Variants in CREBL2 observed in about 807,000 individuals in gnomAD.
The protein encoded by CREBL2 is cAMP responsive element binding protein like 2.
In CREBL2, 4 loss-of-function variants were observed where a neutral mutation model predicts 19.5. That is an observed-to-expected ratio of 0.20 (90% CI 0.10 to 0.47). The LOEUF (loss-of-function observed/expected upper bound fraction) is 0.47. CREBL2 is among the 20% of genes least tolerant of loss of function. The pLI is 0.98. For synonymous variants in CREBL2, 42 were observed against 46.6 expected (o/e 0.90, Z 0.40); for missense variants, 85 against 145.1 (o/e 0.59, Z 2.13).
chr12:12,642,367 ATGTC>A lies in CREBL2; in HGVS notation c.*373_*376del. 5.8e-6 allele frequency: 1 copy of A among 171,360 alleles called. No homozygotes were observed. Among genetic ancestry groups the A allele is most frequent in the East Asian group, 1.5e-4 (1 of 6,482 alleles). The allele number at this position is 171,360 out of a possible 1,614,324, so 10.6% of individuals were successfully genotyped here. ...CTTTCCATGTAATTCATGTAATTGT[ATGTC>A]TGTGTGTGTTTTATGTGTCACCACC... On this transcript the variant is annotated 3_prime_UTR_variant, in exon 4 of 4. Coordinates refer to ENST00000228865, the MANE Select transcript of CREBL2 (RefSeq NM_001310.4).
At chr12:12,617,793 T>G (rs1945323954) in intron 1 of CREBL2, among the ~76,000 whole-genome samples, 1 of 151,144 alleles carries the variant, frequency 6.6e-6, no homozygotes. Context: ...GGTCTCTGGT[T>G]TTTCTAGGCA....
At chr12:12,623,805 A>C (rs900088940) in intron 1 of CREBL2, among the ~76,000 whole-genome samples, 3 of 152,232 alleles carry the variant, frequency 2.0e-5, no homozygotes, top group Non-Finnish European at 4.4e-5. Flanking sequence ...GATTTTGAGA[A>C]GAGGAGCTTA....
At position 12,635,896 on chromosome 12, in the gene CREBL2, G is replaced by A. The variant is rs148997295; in HGVS notation, c.135G>A (p.Lys45=). ...QSARECRARK[K]LRYQYLEELV... is the part of the protein sequence containing the mutation. ...CAAGAGAATGCCGAGCCCGAAAAAA[G>A]CTGAGATATCAGTATTTGGAAGAGT... The change falls in exon 2 of 4, where the codon AAG becomes AAA. Residue 45 remains lysine (K), a synonymous_variant. Coordinates refer to ENST00000228865, the MANE Select transcript of CREBL2 (RefSeq NM_001310.4). 216 of 1,614,048 alleles carry A rather than the reference G, an allele frequency of 1.3e-4. No individual in the cohort carries two copies. Among genetic ancestry groups the A allele is most frequent in the Non-Finnish European group, 1.8e-4 (208 of 1,180,044 alleles).
intron 1 of CREBL2, among the ~76,000 whole-genome samples, chr12:12,616,585 C>T (rs1052557004): frequency 6.6e-6 from 1 of 152,236 alleles, no homozygotes; most frequent in Non-Finnish European, 1.5e-5. Flanking sequence ...GTAATATTTA[C>T]ATGTCATGTA....
rs1481485108 is a variant in CREBL2 at position 12,644,143 on chromosome 12, T to C, written c.*2145T>C. ...AGGAGCAGGGAAGAGCAGTAGAGGA[T>C]GTATAATTTTGGGCGAAGTTAAATT... On this transcript the variant is annotated 3_prime_UTR_variant, in exon 4 of 4. Transcript: ENST00000228865. 2.6e-5 allele frequency: 4 copies of C among 152,554 alleles called. No individual in the cohort carries two copies. The highest frequency in any genetic ancestry group is 4.4e-5 in the Non-Finnish European group (3 of 68,036). 9.5% of individuals were successfully genotyped at this position (152,554 alleles called of 1,614,324 possible).
Position 12,642,739 on chromosome 12 carries a change from A to G in CREBL2, c.*741A>G, listed in dbSNP as rs542864410. The G allele has an allele frequency of 6.6e-6, 1 of 152,372 alleles. No individual in the cohort carries two copies. The highest frequency in any genetic ancestry group is 1.5e-5 in the Non-Finnish European group (1 of 68,038). 9.4% of individuals were successfully genotyped at this position (152,372 alleles called of 1,614,324 possible). A position where few individuals can be genotyped will look rare whatever the true frequency, so the allele number is the denominator to read the frequency against. ...AAAAATTTGCTAGGGCCAAATCCAT[A>G]CTTGCAGAATAATTCATCAAATTTT... On this transcript the variant is annotated 3_prime_UTR_variant, in exon 4 of 4. Transcript: ENST00000228865.
chr12:12,612,331 T>C, intron 1 of CREBL2, 144 bp downstream of exon 1: 2 of 1,464,164 alleles, frequency 1.4e-6, no homozygotes, highest in Non-Finnish European at 1.9e-6. Context: ...CACTGCCCGA[T>C]GGTACCCAGC....
chr12:12,641,354 C>T (rs1464126346), intron 3 of CREBL2, among the ~76,000 whole-genome samples: 1 of 148,954 alleles, frequency 6.7e-6, no homozygotes, highest in East Asian at 2.0e-4. Flanking sequence ...GTCACCCAGG[C>T]TGGAGTGCAG....
chr12:12,622,679 T>C (rs896009112), intron 1 of CREBL2, among the ~76,000 whole-genome samples: 2 of 152,228 alleles, frequency 1.3e-5, no homozygotes, highest in African/African-American at 4.8e-5. Flanking sequence ...TTTCTGTAGA[T>C]CTGGCAAATA....
At chr12:12,613,878 G>A (rs1945285981) in intron 1 of CREBL2, among the ~76,000 whole-genome samples, 1 of 151,080 alleles carries the variant, frequency 6.6e-6, no homozygotes, top group Non-Finnish European at 1.5e-5. Flanking sequence ...AAGACAGAAG[G>A]GTAGCGTTCT....
Position 12,623,665 on chromosome 12 carries a change from C to T in CREBL2, c.15+11478C>T, listed in dbSNP as rs892553815. ...GAGAGAACTGGCTTTTTGTGGGAAT[C>T]CTGGATGCAGTGGGCTGAATGGTGG... On this transcript the variant is annotated intron_variant, in intron 1 of 3. Coordinates refer to ENST00000228865, the MANE Select transcript of CREBL2 (RefSeq NM_001310.4). Among the ~76,000 whole-genome samples, 45 of 152,158 alleles carry T rather than the reference C, an allele frequency of 3.0e-4. 1 individual carries two copies. Among genetic ancestry groups the T allele is most frequent in the African/African-American group, 1.1e-3 (44 of 41,524 alleles).
chr12:12,622,563 CAGAAGTTAACTCTCAGGCTAG>C (rs1945367464), intron 1 of CREBL2, among the ~76,000 whole-genome samples: 1 of 152,126 alleles, frequency 6.6e-6, no homozygotes, highest in Admixed American at 6.5e-5. Flanking sequence ...AGAGGAGAGG[CAGAAGTTAACTCTCAGGCTAG>C]AGATGCCTAC....
chr12:12,612,016 C>T lies in CREBL2; in HGVS notation c.-157C>T. ...CATTCCTGAACTGGTCCCTCGTCCC[C>T]GTGACTCTGGCATCAGGGAAGCGAA... On this transcript the variant is annotated 5_prime_UTR_variant, in exon 1 of 4. Coordinates refer to ENST00000228865, the MANE Select transcript of CREBL2 (RefSeq NM_001310.4). 1.1e-6 allele frequency: 1 copy of T among 880,104 alleles called. No individual in the cohort carries two copies. Among genetic ancestry groups the T allele is most frequent in the Non-Finnish European group, 1.8e-6 (1 of 567,292 alleles). 54.5% of individuals were successfully genotyped at this position (880,104 alleles called of 1,614,324 possible). A position where few individuals can be genotyped will look rare whatever the true frequency, so the allele number is the denominator to read the frequency against.
rs1248375488 is a variant in CREBL2 at position 12,641,250 on chromosome 12, A to ATTTTTTTTTT, written c.359-742_359-741insTTTTTTTTTT. Among the ~76,000 whole-genome samples, 112 of 57,950 alleles carry ATTTTTTTTTT rather than the reference A, an allele frequency of 1.9e-3. 16 individuals carry two copies. Among genetic ancestry groups the ATTTTTTTTTT allele is most frequent in the Non-Finnish European group, 2.5e-3 (73 of 28,666 alleles). 38.0% of individuals were successfully genotyped at this position (57,950 alleles called of 152,430 possible). A position where few individuals can be genotyped will look rare whatever the true frequency, so the allele number is the denominator to read the frequency against. ...CTTTATTATTATTATTATTATTATT[A>ATTTTTTTTTT]TTATTTTTTTTTATTTTTTTTTTTT... On this transcript the variant is annotated intron_variant, in intron 3 of 3. Transcript: ENST00000228865.
rs1343140807 is a variant in CREBL2 at position 12,643,468 on chromosome 12, AT to A, written c.*1474del. 6.6e-6 allele frequency: 1 copy of A among 152,580 alleles called. No individual in the cohort carries two copies. The highest frequency in any genetic ancestry group is 1.5e-5 in the Non-Finnish European group (1 of 68,036). 9.5% of individuals were successfully genotyped at this position (152,580 alleles called of 1,614,324 possible). A position where few individuals can be genotyped will look rare whatever the true frequency, so the allele number is the denominator to read the frequency against. Reference sequence around the variant, plus strand: ...AATATTTAGCTTCCAAATAAAGTATATTTTGTTCTGAACTGGCAGTTTAAGA... The same window carrying A: ...AATATTTAGCTTCCAAATAAAGTATATTTGTTCTGAACTGGCAGTTTAAGA... On this transcript the variant is annotated 3_prime_UTR_variant, in exon 4 of 4. Transcript: ENST00000228865.
intron 1 of CREBL2, among the ~76,000 whole-genome samples, chr12:12,619,936 TC>T (rs1945347490): frequency 6.6e-6 from 1 of 152,198 alleles, no homozygotes; most frequent in South Asian, 2.1e-4. Context: ...TTTAACCCTC[TC>T]CCTCTGCCAA....
rs997074361 is a variant in CREBL2 at position 12,637,820 on chromosome 12, C to T, written c.358+106C>T. ...CTTTGGGAGGCCGAGGTGGGCAGAT[C>T]GCTTGAGCCCAGGAGTTCAAGACCA... is the stretch of plus-strand genomic sequence containing the variant. On this transcript the variant is annotated intron_variant, in intron 3 of 3. Transcript: ENST00000228865. 24 of 1,236,170 alleles carry T rather than the reference C, an allele frequency of 1.9e-5. No homozygotes were observed. In the Admixed American group the frequency reaches 3.0e-4, roughly 15 times the overall value. The allele number at this position is 1,236,170 out of a possible 1,614,324, so 76.6% of individuals were successfully genotyped here. A position where few individuals can be genotyped will look rare whatever the true frequency, so the allele number is the denominator to read the frequency against.
intron 1 of CREBL2, among the ~76,000 whole-genome samples, chr12:12,635,120 G>C (rs1057245659): frequency 2.0e-5 from 3 of 152,012 alleles, no homozygotes; most frequent in Non-Finnish European, 4.4e-5. Context: ...AGCACCTTGG[G>C]AGGCCAAGGC....
chr12:12,622,150 G>A (rs554850042), intron 1 of CREBL2, among the ~76,000 whole-genome samples: 1 of 152,288 alleles, frequency 6.6e-6, no homozygotes, highest in South Asian at 2.1e-4. Flanking sequence ...AGAATTAAAT[G>A]TAATATATGT....
Sources: gnomAD v4.1 joint callset for allele counts (sites outside exome capture counted in the v4.1 genomes callset) on GRCh38, gnomAD v4.1.1 for gene constraint, MANE v1.5 for transcripts, NCBI Gene and HGNC (gene_info 2026-07-23, HGNC 2026-07-21) for gene names.